GRIA1: variants seen among roughly 807,000 people sequenced by gnomAD.
The protein encoded by GRIA1 is glutamate ionotropic receptor AMPA type subunit 1, also known as glutamate receptor 1.
GRIA1 carries 31 observed loss-of-function variants against 99.2 expected under a neutral mutation model. That is an observed-to-expected ratio of 0.31 (90% CI 0.23 to 0.42). GRIA1 has a LOEUF of 0.42. Ranked by LOEUF, GRIA1 falls within the 10% of genes least tolerant of loss-of-function variation. The probability of loss-of-function intolerance (pLI) is 1.00; values close to 1 mark genes in which losing one functional copy is unlikely to be tolerated. For synonymous variants in GRIA1, 438 were observed against 432.4 expected, an observed-to-expected ratio of 1.01 and a Z score of -0.16; for missense variants, 782 against 1,157.5, an observed-to-expected ratio of 0.68 and a Z score of 4.71.
intron 11 of GRIA1, among the ~76,000 whole-genome samples, chr5:153,732,250 G>A (rs1761087107): frequency 7.1e-6 from 1 of 140,630 alleles, no homozygotes; most frequent in African/African-American, 2.7e-5. Context: ...CCAGAAGTGG[G>A]ATTGCTGGAG....
At chr5:153,586,374 C>G (rs561522330) in intron 2 of GRIA1, among the ~76,000 whole-genome samples, 1 of 152,162 alleles carries the variant, frequency 6.6e-6, no homozygotes, top group Non-Finnish European at 1.5e-5. Flanking sequence ...CTACTATTAT[C>G]CTCATTCACC....
chr5:153,634,689 ACT>A (rs1336870936), intron 2 of GRIA1, among the ~76,000 whole-genome samples: 32 of 152,090 alleles, frequency 2.1e-4, no homozygotes, highest in African/African-American at 7.5e-4. Flanking sequence ...GCATTGCAAG[ACT>A]CTATTGGCCG....
At chr5:153,727,394 G>A (rs377150724) in intron 11 of GRIA1, among the ~76,000 whole-genome samples, 18,902 of 152,090 alleles carry the variant, frequency 0.12, 1,230 homozygotes, top group Middle Eastern at 0.26. Context: ...AGGGCAATTA[G>A]GCAGGAGAAG....
intron 11 of GRIA1, among the ~76,000 whole-genome samples, chr5:153,763,084 C>T (rs921337053): frequency 5.3e-5 from 8 of 152,304 alleles, no homozygotes; most frequent in East Asian, 1.9e-4. Flanking sequence ...CCGTGTGAAA[C>T]GCCTAGGAGC....
In GRIA1 at chr5:153,562,918, C is replaced by G. The variant is rs550667062; in HGVS notation, c.220+68853C>G. On this transcript the variant is annotated intron_variant, in intron 2 of 15. Coordinates refer to ENST00000285900, the MANE Select transcript of GRIA1 (RefSeq NM_000827.4). ...TGCGGCCAGGCACGGTGGCTCATGC[C>G]TGTAATCCCAGCACTTTGGGAGGCT... is the stretch of plus-strand genomic sequence containing the variant. Among the ~76,000 whole-genome samples, 6 of 152,272 alleles carry G rather than the reference C, an allele frequency of 3.9e-5. No individual in the cohort carries two copies. The South Asian group carries it at 8.3e-4, about 21-fold the overall frequency.
chr5:153,699,023 G>C lies in GRIA1; in HGVS notation c.1402G>C (p.Asp468His), dbSNP rs1243087742. The C allele has an allele frequency of 6.2e-7, 1 of 1,614,094 alleles. No individual in the cohort carries two copies. The highest frequency in any genetic ancestry group is 8.5e-7 in the Non-Finnish European group (1 of 1,179,984). The change falls in exon 10 of 16, where the codon GAC (aspartate) becomes CAC (histidine). Residue 468 changes from aspartate to histidine, a missense_variant. Transcript: ENST00000285900. ...IVSDGKYGAR[D>H]PDTKAWNGMV... ...CAGTGATGGAAAATACGGAGCCCGA[G>C]ACCCTGACACGAAGGCCTGGAATGG...
intron 12 of GRIA1, among the ~76,000 whole-genome samples, chr5:153,765,199 A>G (rs1763434932): frequency 6.6e-6 from 1 of 152,214 alleles, no homozygotes; most frequent in African/African-American, 2.4e-5. Flanking sequence ...GCAAAGGAGC[A>G]GAGAGCTTAG....
At chr5:153,629,000 CT>C (rs1309575349) in intron 2 of GRIA1, among the ~76,000 whole-genome samples, 1 of 152,152 alleles carries the variant, frequency 6.6e-6, no homozygotes, top group Non-Finnish European at 1.5e-5. Context: ...GCAGCCAAAT[CT>C]TTTGTTTTAC....
chr5:153,704,484 G>A (rs925568366), intron 10 of GRIA1, among the ~76,000 whole-genome samples: 3 of 152,328 alleles, frequency 2.0e-5, no homozygotes, highest in African/African-American at 4.8e-5. Context: ...GGCATGGTTG[G>A]TGATTCCATG....
intron 11 of GRIA1, among the ~76,000 whole-genome samples, chr5:153,711,820 A>G (rs994745379): frequency 1.3e-5 from 2 of 152,154 alleles, no homozygotes; most frequent in African/African-American, 4.8e-5. Context: ...AGAGAATGAG[A>G]GGAGGTTAGA....
intron 2 of GRIA1, among the ~76,000 whole-genome samples, chr5:153,559,067 G>A (rs59894478): frequency 0.097 from 14,732 of 152,084 alleles, 791 homozygotes; most frequent in South Asian, 0.19. Context: ...TTCCCTTTCC[G>A]GGACCTTGGA....
chr5:153,724,129 C>A (rs1054229730), intron 11 of GRIA1, among the ~76,000 whole-genome samples: 23 of 152,332 alleles, frequency 1.5e-4, no homozygotes, highest in South Asian at 2.1e-4. Context: ...GTTACCCAGG[C>A]AAACAGGGTC....
intron 11 of GRIA1, among the ~76,000 whole-genome samples, chr5:153,716,793 AG>A (rs1759695052): frequency 6.6e-6 from 1 of 152,232 alleles, no homozygotes; most frequent in Admixed American, 6.5e-5. Flanking sequence ...GAGGAAATAG[AG>A]TCAGAAGTGA....
intron 13 of GRIA1, among the ~76,000 whole-genome samples, chr5:153,771,631 T>G (rs1763888843): frequency 6.6e-6 from 1 of 152,186 alleles, no homozygotes; most frequent in Admixed American, 6.5e-5. Flanking sequence ...GAACATCTAC[T>G]TCCTGCAATG....
chr5:153,508,799 A>G (rs1271039347), intron 2 of GRIA1, among the ~76,000 whole-genome samples: 1 of 152,186 alleles, frequency 6.6e-6, no homozygotes, highest in African/African-American at 2.4e-5. Flanking sequence ...AAAAACAATC[A>G]CATCTGCAGG....
chr5:153,578,044 G>A (rs1425487227), intron 2 of GRIA1, among the ~76,000 whole-genome samples: 5 of 150,684 alleles, frequency 3.3e-5, no homozygotes, highest in African/African-American at 9.8e-5. Context: ...CTAGCTACTC[G>A]GGAGGCTGAG....
intron 10 of GRIA1, among the ~76,000 whole-genome samples, chr5:153,699,687 G>T (rs971387132): frequency 6.6e-5 from 10 of 151,792 alleles, no homozygotes; most frequent in African/African-American, 9.7e-5. Flanking sequence ...TTAGTTGCTG[G>T]TTTTTTTTAA....
intron 11 of GRIA1, among the ~76,000 whole-genome samples, chr5:153,741,492 A>G (rs756514019): frequency 1.3e-4 from 20 of 152,248 alleles, no homozygotes; most frequent in Admixed American, 6.5e-5. Context: ...TTGCCAAAAT[A>G]TGGAAATAAC....
chr5:153,492,238 G>C (rs542321362), intron 1 of GRIA1: 1 of 1,535,462 alleles, frequency 6.5e-7, no homozygotes, highest in African/African-American at 1.4e-5. Flanking sequence ...TCTCCAGCTA[G>C]CTGGCGGCTT....
Sources: gnomAD v4.1 joint callset for allele counts (sites outside exome capture counted in the v4.1 genomes callset) on GRCh38, gnomAD v4.1.1 for gene constraint, MANE v1.5 for transcripts, NCBI Gene and HGNC (gene_info 2026-07-23, HGNC 2026-07-21) for gene names.